The following DCC variants were observed in gnomAD, a reference collection of about 807,000 sequenced individuals.
DCC encodes DCC netrin 1 receptor.
DCC carries 58 observed loss-of-function variants against 172.5 expected under a neutral mutation model. The observed-to-expected ratio is 0.34, with a 90% CI of 0.27 to 0.42. The LOEUF (loss-of-function observed/expected upper bound fraction) is 0.42, where lower values mean the gene tolerates loss of function less well. DCC is among the 10% of genes least tolerant of loss of function. The pLI is 1.00. For synonymous variants in DCC, 709 were observed against 644.5 expected, an observed-to-expected ratio of 1.10 and a Z score of -1.52; for missense variants, 1,740 against 1,791.0, an observed-to-expected ratio of 0.97 and a Z score of 0.51.
chr18:52,455,745 AG>A (rs1182702501), intron 1 of DCC, among the ~76,000 whole-genome samples: 1 of 152,210 alleles, frequency 6.6e-6, no homozygotes, highest in Non-Finnish European at 1.5e-5. Context: ...ATTATTCCAT[AG>A]AGTTTGTTAT....
intron 26 of DCC, among the ~76,000 whole-genome samples, chr18:53,493,265 T>TGCAAACAGAGACAA (rs1304088798): frequency 6.6e-6 from 1 of 152,196 alleles, no homozygotes; most frequent in African/African-American, 2.4e-5. Flanking sequence ...TCATGTCTTC[T>TGCAAACAGAGACAA]GCAAACAGAG....
chr18:52,570,854 T>C (rs1474073184), intron 1 of DCC, among the ~76,000 whole-genome samples: 6 of 152,180 alleles, frequency 3.9e-5, no homozygotes, highest in Non-Finnish European at 8.8e-5. Flanking sequence ...AGGAAGTTAA[T>C]CCTCAAAGGT....
At chr18:52,828,537 G>A (rs953865137) in intron 2 of DCC, among the ~76,000 whole-genome samples, 2 of 152,042 alleles carry the variant, frequency 1.3e-5, no homozygotes, top group African/African-American at 4.8e-5. Context: ...AGTAGCCAGT[G>A]TGTAATCTTT....
chr18:53,066,270 A>G (rs28683803), intron 7 of DCC, 104 bp downstream of exon 7: 243,168 of 1,052,676 alleles, frequency 0.23, 30,100 homozygotes, highest in East Asian at 0.36. Flanking sequence ...CAATATGGCA[A>G]TATGAAATCA....
intron 2 of DCC, among the ~76,000 whole-genome samples, chr18:52,841,157 A>G (rs9783901): frequency 0.45 from 66,805 of 149,718 alleles, 14,851 homozygotes; most frequent in South Asian, 0.56. Context: ...AAAGCTTTTA[A>G]GAAGAAGAAA....
intron 1 of DCC, among the ~76,000 whole-genome samples, chr18:52,543,526 T>C (rs1173304104): frequency 6.6e-6 from 1 of 152,184 alleles, no homozygotes; most frequent in Admixed American, 6.5e-5. Context: ...TATTTGACTA[T>C]CACAGGGGAA....
At chr18:53,020,605 T>C (rs577098523) in intron 5 of DCC, among the ~76,000 whole-genome samples, 1 of 152,284 alleles carries the variant, frequency 6.6e-6, no homozygotes, top group Admixed American at 6.5e-5. Context: ...GTAAAAGTCA[T>C]CCAATTAGCC....
intron 1 of DCC, among the ~76,000 whole-genome samples, chr18:52,606,130 G>A (rs2034125871): frequency 6.6e-6 from 1 of 152,044 alleles, no homozygotes; most frequent in Non-Finnish European, 1.5e-5. Context: ...AGAAGTCAGT[G>A]TGAAATTGCC....
chr18:52,497,910 G>A (rs1232195546), intron 1 of DCC, among the ~76,000 whole-genome samples: 2 of 152,094 alleles, frequency 1.3e-5, no homozygotes, highest in African/African-American at 4.8e-5. Context: ...GACTAGAACA[G>A]GGATTGACAT....
At chr18:52,524,700 T>A (rs190964842) in intron 1 of DCC, among the ~76,000 whole-genome samples, 1 of 152,204 alleles carries the variant, frequency 6.6e-6, no homozygotes, top group East Asian at 1.9e-4. Flanking sequence ...CCAAAGGGAG[T>A]GCATGAGCTT....
intron 5 of DCC, among the ~76,000 whole-genome samples, chr18:52,983,976 A>G (rs1186249152): frequency 6.6e-6 from 1 of 152,160 alleles, no homozygotes; most frequent in Non-Finnish European, 1.5e-5. Context: ...TTTCCAGTCA[A>G]AATGTTTACT....
intron 5 of DCC, among the ~76,000 whole-genome samples, chr18:52,934,318 C>T (rs888855323): frequency 6.6e-6 from 1 of 151,916 alleles, no homozygotes; most frequent in Non-Finnish European, 1.5e-5. Context: ...ATAGACATCC[C>T]TCTGTGGGAA....
At chr18:53,300,476 C>T (rs2057119597) in intron 12 of DCC, among the ~76,000 whole-genome samples, 2 of 152,146 alleles carry the variant, frequency 1.3e-5, no homozygotes, top group African/African-American at 4.8e-5. Flanking sequence ...TGCTGAAGCA[C>T]TGTCCAGTGT....
At chr18:53,159,075 C>T (rs891579625) in intron 8 of DCC, among the ~76,000 whole-genome samples, 8 of 150,940 alleles carry the variant, frequency 5.3e-5, no homozygotes, top group African/African-American at 2.0e-4. Context: ...AAGAAACAGG[C>T]GTTCGTTTTA....
At chr18:52,955,009 G>A (rs370149147) in intron 5 of DCC, among the ~76,000 whole-genome samples, 13 of 152,064 alleles carry the variant, frequency 8.5e-5, no homozygotes, top group South Asian at 6.2e-4. Flanking sequence ...ACCATCCCAC[G>A]CCTCAATGAT....
At chr18:52,894,895 AAC>A (rs770823137) in intron 2 of DCC, among the ~76,000 whole-genome samples, 6 of 152,212 alleles carry the variant, frequency 3.9e-5, no homozygotes, top group Non-Finnish European at 7.3e-5. Flanking sequence ...TTTATCTAGA[AAC>A]ACCCTTATAG....
At chr18:52,483,679 C>A (rs918480707) in intron 1 of DCC, among the ~76,000 whole-genome samples, 3 of 151,998 alleles carry the variant, frequency 2.0e-5, no homozygotes, top group African/African-American at 7.2e-5. Context: ...GTTCATCAGT[C>A]TTTTTAGAAT....
chr18:52,550,701 A>G (rs972973185), intron 1 of DCC, among the ~76,000 whole-genome samples: 3 of 152,140 alleles, frequency 2.0e-5, no homozygotes, highest in Non-Finnish European at 2.9e-5. Context: ...GATAGTTGAA[A>G]TCCATGATAG....
In DCC at chr18:52,682,301, G is replaced by A. The variant is rs181845224; in HGVS notation, c.92-69753G>A. 1.4e-3 allele frequency among the ~76,000 whole-genome samples: 213 copies of A among 152,194 alleles called. 1 individual carries two copies. The highest frequency in any genetic ancestry group is 5.0e-3 in the African/African-American group (206 of 41,536). On this transcript the variant is annotated intron_variant, in intron 1 of 28. Coordinates refer to ENST00000442544, the MANE Select transcript of DCC (RefSeq NM_005215.4). ...TTTACTCTACAGACCAGGTACTACT[G>A]ATACAAAGTGGGCAGAGCAACAACG...
Sources: allele counts gnomAD v4.1 joint callset (sites outside exome capture counted in the v4.1 genomes callset), GRCh38; gene constraint gnomAD v4.1.1; transcripts MANE v1.5; gene names NCBI Gene and HGNC (gene_info 2026-07-23, HGNC 2026-07-21).